The following OPCML variants were observed in gnomAD, a reference collection of about 807,000 sequenced individuals.
The protein encoded by OPCML is opioid binding protein/cell adhesion molecule like, also known as opioid-binding protein/cell adhesion molecule.
Under a neutral mutation model 37.8 loss-of-function variants are expected in OPCML, and 13 were observed. That is an observed-to-expected ratio of 0.34 (90% CI 0.22 to 0.55). The LOEUF (loss-of-function observed/expected upper bound fraction) is 0.55, where lower values mean the gene tolerates loss of function less well. Among genes scored for constraint, OPCML ranks in the 20% least tolerant of loss-of-function variants. The pLI, the probability that OPCML is intolerant of heterozygous loss-of-function variation, is 0.91. For missense variants in OPCML, 341 were observed against 435.6 expected (o/e 0.78, Z 1.93); for synonymous variants, 176 against 168.8 (o/e 1.04, Z -0.33).
At chr11:132,954,127 TTTTG>T (rs992045436) in intron 1 of OPCML, among the ~76,000 whole-genome samples, 2 of 37,902 alleles carry the variant, frequency 5.3e-5, no homozygotes, top group Non-Finnish European at 1.2e-4. Context: ...TTCTTGGGTT[TTTTG>T]TTTGTTTTTT....
intron 4 of OPCML, among the ~76,000 whole-genome samples, chr11:132,498,393 G>A (rs773336200): frequency 1.1e-4 from 16 of 152,216 alleles, no homozygotes; most frequent in Non-Finnish European, 2.2e-4. Flanking sequence ...ATTTTAAATG[G>A]ACTCTGACTA....
chr11:133,450,960 G>A lies in OPCML; in HGVS notation c.61+81304C>T, dbSNP rs539805345. Among the ~76,000 whole-genome samples the A allele has an allele frequency of 6.6e-5, 10 of 151,808 alleles. No homozygotes were observed. The East Asian group carries it at 1.9e-3, about 29-fold the overall frequency. Reference sequence around the variant, plus strand: ...TCTCTATACTTAATGTATACATAAAGTATATGCATTAAACATACCATATAT... The same window carrying A: ...TCTCTATACTTAATGTATACATAAAATATATGCATTAAACATACCATATAT... On this transcript the variant is annotated intron_variant, in intron 1 of 7. Coordinates refer to ENST00000524381, the MANE Select transcript of OPCML (RefSeq NM_001012393.5).
intron 1 of OPCML, among the ~76,000 whole-genome samples, chr11:133,371,259 G>GA (rs1944668007): frequency 6.6e-6 from 1 of 152,248 alleles, no homozygotes; most frequent in Middle Eastern, 3.4e-3. Context: ...GAGATTTCTT[G>GA]AAAAATTAAA....
chr11:132,906,912 C>T (rs1944261869), intron 2 of OPCML, among the ~76,000 whole-genome samples: 4 of 152,170 alleles, frequency 2.6e-5, no homozygotes, highest in African/African-American at 9.7e-5. Flanking sequence ...AAGCAAAATG[C>T]AGAATGCATA....
chr11:132,917,480 A>T (rs972885495), intron 2 of OPCML, among the ~76,000 whole-genome samples: 3 of 152,198 alleles, frequency 2.0e-5, no homozygotes, highest in African/African-American at 7.2e-5. Flanking sequence ...GGATTCTTTC[A>T]GGCCCTGAAG....
At chr11:132,546,842 T>C (rs1309148851) in intron 3 of OPCML, among the ~76,000 whole-genome samples, 2 of 152,186 alleles carry the variant, frequency 1.3e-5, no homozygotes, top group South Asian at 2.1e-4. Context: ...ATATGACTGC[T>C]CTCATACACT....
chr11:133,024,271 T>G, intron 1 of OPCML: 1 of 874,660 alleles, frequency 1.1e-6, no homozygotes, highest in Non-Finnish European at 1.4e-6. Flanking sequence ...AAGAAAAAGC[T>G]TCTAGAGCAA....
chr11:132,548,663 C>T (rs566566451), intron 3 of OPCML, among the ~76,000 whole-genome samples: 3 of 152,248 alleles, frequency 2.0e-5, no homozygotes, highest in Middle Eastern at 6.8e-3. Context: ...GGGGATCTCC[C>T]GGTTTGGGAG....
chr11:133,034,697 A>G (rs1271416959), intron 1 of OPCML, among the ~76,000 whole-genome samples: 1 of 151,878 alleles, frequency 6.6e-6, no homozygotes, highest in Non-Finnish European at 1.5e-5. Flanking sequence ...CGCAAGGAAC[A>G]TTTAGAAGTG....
intron 2 of OPCML, among the ~76,000 whole-genome samples, chr11:132,905,421 C>G (rs766041863): frequency 1.4e-3 from 209 of 151,892 alleles, no homozygotes; most frequent in Non-Finnish European, 1.8e-3. Context: ...TTGGTAGAGA[C>G]AGGGTTTCAT....
intron 2 of OPCML, among the ~76,000 whole-genome samples, chr11:132,900,614 C>T (rs1203028153): frequency 2.6e-5 from 4 of 152,158 alleles, no homozygotes; most frequent in African/African-American, 9.7e-5. Context: ...CTAAATGTGC[C>T]TTACAGACTT....
intron 1 of OPCML, chr11:133,421,655 G>A (rs1945889290): frequency 8.1e-6 from 8 of 985,274 alleles, no homozygotes; most frequent in Non-Finnish European, 9.6e-6. Context: ...GTTTCTTTTA[G>A]GTCTAAATGA....
intron 2 of OPCML, among the ~76,000 whole-genome samples, chr11:132,874,425 C>T (rs928470289): frequency 7.3e-6 from 1 of 137,108 alleles, no homozygotes; most frequent in Non-Finnish European, 1.6e-5. Context: ...TCCCTCCCTT[C>T]CTTCCTTCTT....
rs141821139 is a variant in OPCML at position 132,536,571 on chromosome 11, T to C, written c.380-7385A>G. Among the ~76,000 whole-genome samples the C allele has an allele frequency of 2.3e-3, 353 of 152,334 alleles. 3 individuals carry two copies. The highest frequency in any genetic ancestry group is 7.9e-3 in the African/African-American group (329 of 41,572). On this transcript the variant is annotated intron_variant, in intron 3 of 7. Transcript: ENST00000524381. ...GGAATAACAAAATATTAAGAGACCA[T>C]GTGAAAGCTAATATAAATGTGAAAT...
intron 1 of OPCML, among the ~76,000 whole-genome samples, chr11:133,488,388 A>G (rs1445915785): frequency 1.3e-5 from 2 of 152,126 alleles, no homozygotes; most frequent in East Asian, 3.8e-4. Flanking sequence ...AAAATCTCTT[A>G]TATTAGATAA....
intron 1 of OPCML, among the ~76,000 whole-genome samples, chr11:133,063,627 T>C (rs1477706146): frequency 6.6e-6 from 1 of 151,932 alleles, no homozygotes; most frequent in Non-Finnish European, 1.5e-5. Flanking sequence ...AATGGCTTGA[T>C]CTTGGCTCAC....
At chr11:132,466,231 A>C (rs543839689) in intron 4 of OPCML, among the ~76,000 whole-genome samples, 2 of 151,954 alleles carry the variant, frequency 1.3e-5, no homozygotes, top group East Asian at 3.9e-4. Flanking sequence ...CACGCCTGTC[A>C]TCCCAGCACT....
rs115698812 is a variant in OPCML at position 133,013,869 on chromosome 11, C to G, written c.62-70859G>C. On this transcript the variant is annotated intron_variant, in intron 1 of 7. Coordinates refer to ENST00000524381, the MANE Select transcript of OPCML (RefSeq NM_001012393.5). ...TGGGTAAGAGACCAAAATTTGCCAC[C>G]TCAGAATATGAAGAATTGTTGAGCT... Among the ~76,000 whole-genome samples, 1,243 of 152,268 alleles carry G rather than the reference C, an allele frequency of 8.2e-3. 16 individuals are homozygous for G. Among genetic ancestry groups the G allele is most frequent in the African/African-American group, 0.029 (1,200 of 41,544 alleles).
intron 1 of OPCML, among the ~76,000 whole-genome samples, chr11:133,181,768 T>A (rs1937844543): frequency 6.6e-6 from 1 of 152,186 alleles, no homozygotes; most frequent in South Asian, 2.1e-4. Context: ...AAATTGGACA[T>A]GTTTCACACT....
Sources: gnomAD v4.1 joint callset for allele counts (sites outside exome capture counted in the v4.1 genomes callset) on GRCh38, gnomAD v4.1.1 for gene constraint, MANE v1.5 for transcripts, NCBI Gene and HGNC (gene_info 2026-07-23, HGNC 2026-07-21) for gene names.